Variants in KIF26B observed in about 807,000 individuals in gnomAD.
The protein encoded by KIF26B is kinesin family member 26B.
In KIF26B, 63 loss-of-function variants were observed where a neutral mutation model predicts 151.2. The ratio of observed to expected loss-of-function variants is 0.42; its 90% CI spans 0.34 to 0.51. KIF26B has a LOEUF of 0.51. Ranked by LOEUF, KIF26B falls within the 20% of genes least tolerant of loss-of-function variation. KIF26B has a pLI of 0.07. For synonymous variants in KIF26B, 1,357 were observed against 1,262.1 expected (o/e 1.08, Z -1.59); for missense variants, 2,813 against 2,913.6 (o/e 0.97, Z 0.79).
chr1:245,583,296 G>A (rs2043194473), intron 5 of KIF26B, among the ~76,000 whole-genome samples: 1 of 152,176 alleles, frequency 6.6e-6, no homozygotes, highest in South Asian at 2.1e-4. Context: ...GCGATGCTGG[G>A]CTTGTGGAGA....
rs1216789715 is a variant in KIF26B, at chr1:245,495,294, G to C, written c.1167-45473G>C. 6.6e-6 allele frequency among the ~76,000 whole-genome samples: 1 copy of C among 152,164 alleles called. No individual in the cohort carries two copies. The highest frequency in any genetic ancestry group is 1.9e-4 in the East Asian group (1 of 5,192). On this transcript the variant is annotated intron_variant, in intron 4 of 14. Transcript: ENST00000407071. This position sits in a 1 kb window ranked among gnomAD's most constrained non-coding sequence, Gnocchi z 4.2. ...AACATATAATTGAAGGCCTGGAAGA[G>C]GGGAAGAGGGAATGAGGCAGAAGCA...
At chr1:245,379,896 G>A (rs1226086423) in intron 3 of KIF26B, among the ~76,000 whole-genome samples, 4 of 151,718 alleles carry the variant, frequency 2.6e-5, no homozygotes, top group Non-Finnish European at 5.9e-5. Context: ...GCTTGAACCC[G>A]GGCGGCAGAG....
intron 4 of KIF26B, among the ~76,000 whole-genome samples, chr1:245,455,301 C>T (rs562101016): frequency 6.6e-6 from 1 of 152,180 alleles, no homozygotes; most frequent in Non-Finnish European, 1.5e-5. Flanking sequence ...GTCAAGAGAT[C>T]GAGACCATCC....
Position 245,651,576 on chromosome 1 carries a change from G to C in KIF26B, c.2258+5296G>C, listed in dbSNP as rs534880794. ...AGGGGCTCAAGATTGCTGTTAGCTAGAGCGGGGTTCCAAACCCCCAGGCCA... is the reference window on the plus strand; with the variant it reads ...AGGGGCTCAAGATTGCTGTTAGCTACAGCGGGGTTCCAAACCCCCAGGCCA... On this transcript the variant is annotated intron_variant, in intron 10 of 14. Coordinates refer to ENST00000407071, the MANE Select transcript of KIF26B (RefSeq NM_018012.4). Among the ~76,000 whole-genome samples the C allele has an allele frequency of 5.4e-4, 83 of 152,324 alleles. 1 individual carries two copies. In the South Asian group the frequency reaches 0.016, roughly 29 times the overall value.
At chr1:245,340,737 T>C (rs1400546486) in intron 2 of KIF26B, among the ~76,000 whole-genome samples, 1 of 152,196 alleles carries the variant, frequency 6.6e-6, no homozygotes, top group African/African-American at 2.4e-5. Context: ...TCTAATGAGT[T>C]GTACAGCAAC....
In KIF26B at chr1:245,499,596, C is replaced by T. The variant is rs568016878; in HGVS notation, c.1167-41171C>T. ...TTTATAGAGTATAATTTGAGTAAGC[C>T]AAAAAGTTTCCACTTACATATATTC... On this transcript the variant is annotated intron_variant, in intron 4 of 14. Transcript: ENST00000407071. Among the ~76,000 whole-genome samples the T allele has an allele frequency of 3.7e-4, 56 of 152,258 alleles. No individual in the cohort carries two copies. The South Asian group carries it at 0.011, about 29-fold the overall frequency.
At chr1:245,243,796 G>A (rs913673841) in intron 2 of KIF26B, among the ~76,000 whole-genome samples, 4 of 151,778 alleles carry the variant, frequency 2.6e-5, no homozygotes, top group Non-Finnish European at 5.9e-5. Flanking sequence ...GGTTGCAGTG[G>A]GCCGAGATCA....
At chr1:245,500,828 C>T (rs552054752) in intron 4 of KIF26B, among the ~76,000 whole-genome samples, 3 of 152,232 alleles carry the variant, frequency 2.0e-5, no homozygotes, top group South Asian at 2.1e-4. Context: ...TTGTATCTTA[C>T]GCAAGAGCTG....
intron 4 of KIF26B, among the ~76,000 whole-genome samples, chr1:245,427,369 A>G (rs1658672546): frequency 6.6e-6 from 1 of 152,224 alleles, no homozygotes; most frequent in Non-Finnish European, 1.5e-5. Flanking sequence ...GCACTTCGGG[A>G]GGCCGAGGCA....
intron 4 of KIF26B, among the ~76,000 whole-genome samples, chr1:245,447,517 T>C (rs1363187565): frequency 6.6e-6 from 1 of 152,026 alleles, no homozygotes; most frequent in Non-Finnish European, 1.5e-5. Context: ...TCCTCATGAA[T>C]AGGATTAGTG....
At chr1:245,592,582 T>A (rs1226164087) in intron 5 of KIF26B, among the ~76,000 whole-genome samples, 1 of 152,152 alleles carries the variant, frequency 6.6e-6, no homozygotes, top group East Asian at 1.9e-4. Flanking sequence ...TGATGGATGA[T>A]TGATTGATTT....
intron 5 of KIF26B, among the ~76,000 whole-genome samples, chr1:245,551,311 G>A (rs1458581028): frequency 6.6e-6 from 1 of 152,152 alleles, no homozygotes; most frequent in East Asian, 1.9e-4. Context: ...CCAAAGTGTT[G>A]GGATTACAAA....
chr1:245,180,292 C>CAGAGAGAGAGAG (rs34346823), intron 2 of KIF26B, among the ~76,000 whole-genome samples: 21 of 148,630 alleles, frequency 1.4e-4, no homozygotes, highest in Non-Finnish European at 8.9e-5. Flanking sequence ...CTGCAGGTAG[C>CAGAGAGAGAGAG]AGAGAGAGAG....
intron 4 of KIF26B, among the ~76,000 whole-genome samples, chr1:245,483,364 C>T (rs951245051): frequency 6.6e-6 from 1 of 151,748 alleles, no homozygotes; most frequent in Non-Finnish European, 1.5e-5. Flanking sequence ...AAGAGCTGTC[C>T]GAGGTCACCC....
intron 4 of KIF26B, among the ~76,000 whole-genome samples, chr1:245,482,914 CCA>C (rs1346687523): frequency 2.0e-5 from 3 of 151,742 alleles, no homozygotes; most frequent in African/African-American, 4.8e-5. Flanking sequence ...TCCCGGGCAG[CCA>C]CACACAGTTT....
intron 2 of KIF26B, among the ~76,000 whole-genome samples, chr1:245,166,000 T>C (rs913959676): frequency 9.2e-5 from 14 of 152,170 alleles, no homozygotes; most frequent in African/African-American, 3.4e-4. Context: ...CTTATTATCT[T>C]AAAATGAAGA....
chr1:245,422,680 A>C (rs1334481712), intron 4 of KIF26B, among the ~76,000 whole-genome samples: 1 of 152,196 alleles, frequency 6.6e-6, no homozygotes, highest in African/African-American at 2.4e-5. Flanking sequence ...CTACACCTCC[A>C]ATCTGTGCTC....
intron 2 of KIF26B, among the ~76,000 whole-genome samples, chr1:245,194,183 T>C (rs1669154552): frequency 2.6e-5 from 4 of 152,136 alleles, no homozygotes; most frequent in Non-Finnish European, 4.4e-5. Context: ...TCTACTGCAG[T>C]TCAGGTTTGG....
At chr1:245,675,981 G>C (rs1385428171) in intron 10 of KIF26B, among the ~76,000 whole-genome samples, 1 of 152,010 alleles carries the variant, frequency 6.6e-6, no homozygotes, top group Non-Finnish European at 1.5e-5. Context: ...ACTGGGATAT[G>C]GTAAGTTCTC....
Sources: gnomAD v4.1 joint callset for allele counts (sites outside exome capture counted in the v4.1 genomes callset) on GRCh38, gnomAD v4.1.1 for gene constraint, Gnocchi (gnomAD v3.1) non-coding constraint, MANE v1.5 for transcripts, NCBI Gene and HGNC (gene_info 2026-07-23, HGNC 2026-07-21) for gene names.